The following HEATR5B variants were observed in gnomAD, a reference collection of about 807,000 sequenced individuals.
HEATR5B encodes the protein HEAT repeat containing 5B.
In HEATR5B, 156 loss-of-function variants were observed where a neutral mutation model predicts 224.1. The ratio of observed to expected loss-of-function variants is 0.70; its 90% CI spans 0.61 to 0.80. The LOEUF (loss-of-function observed/expected upper bound fraction) is 0.80. Ranked by LOEUF, HEATR5B falls within the 30% of genes least tolerant of loss-of-function variation. The pLI is 0.00. For synonymous variants in HEATR5B, 1,027 were observed against 893.0 expected (o/e 1.15, Z -2.68); for missense variants, 2,323 against 2,535.5 (o/e 0.92, Z 1.80).
chr2:37,020,676 T>A lies in HEATR5B; in HGVS notation c.4014A>T (p.Ile1338=), dbSNP rs569210624. ...VPEPEFPGHV[I]LEQYQANVGA... Reference sequence around the variant, plus strand: ...TCACATTAGCCTGATACTGCTCCAGTATCACATGACCTGGAAATTCTGGCT... The same window carrying A: ...TCACATTAGCCTGATACTGCTCCAGAATCACATGACCTGGAAATTCTGGCT... Residue 1338 remains isoleucine (I), a synonymous_variant, in exon 25 of 36, where the codon ATA becomes ATT. Transcript: ENST00000233099. The A allele has an allele frequency of 1.9e-6, 3 of 1,582,658 alleles. No individual in the cohort carries two copies. The highest frequency in any genetic ancestry group is 2.7e-5 in the African/African-American group (2 of 72,996).
intron 30 of HEATR5B, among the ~76,000 whole-genome samples, chr2:37,004,955 C>T (rs1371350331): frequency 6.6e-6 from 1 of 152,146 alleles, no homozygotes; most frequent in African/African-American, 2.4e-5. Flanking sequence ...CCTACCTCTA[C>T]GGGCTGACAG....
chr2:37,056,177 G>A (rs1670898264), intron 16 of HEATR5B, among the ~76,000 whole-genome samples: 1 of 150,940 alleles, frequency 6.6e-6, no homozygotes, highest in Non-Finnish European at 1.5e-5. Context: ...TGAAAATTTT[G>A]TTATAAAATA....
chr2:37,074,837 A>G (rs1667571954), intron 5 of HEATR5B, among the ~76,000 whole-genome samples: 1 of 152,232 alleles, frequency 6.6e-6, no homozygotes, highest in Admixed American at 6.5e-5. Flanking sequence ...TAAAGCCACA[A>G]TGAGATACCA....
intron 26 of HEATR5B, among the ~76,000 whole-genome samples, chr2:37,016,443 G>A (rs559169634): frequency 4.0e-5 from 6 of 151,658 alleles, no homozygotes; most frequent in Non-Finnish European, 8.8e-5. Context: ...GAAATCCTTG[G>A]ACCAAGATTT....
chr2:37,059,185 T>C (rs954310046), intron 12 of HEATR5B, among the ~76,000 whole-genome samples, 198 bp from the exon 13 acceptor site: 1 of 151,184 alleles, frequency 6.6e-6, no homozygotes, highest in Non-Finnish European at 1.5e-5. Context: ...AAAAGGTGGA[T>C]AGAAAAATGG....
chr2:37,042,109 G>T (rs1008464026), intron 18 of HEATR5B, among the ~76,000 whole-genome samples: 33 of 151,980 alleles, frequency 2.2e-4, no homozygotes, highest in African/African-American at 7.7e-4. Context: ...TAAAAAATAA[G>T]CTTTATTGAG....
intron 18 of HEATR5B, among the ~76,000 whole-genome samples, chr2:37,049,370 C>A (rs1004244567): frequency 3.9e-5 from 6 of 152,152 alleles, no homozygotes; most frequent in Non-Finnish European, 5.9e-5. Flanking sequence ...AGTGAATACA[C>A]ATAACAGAGA....
intron 12 of HEATR5B, 68 bp from the exon 13 acceptor site, chr2:37,059,055 G>T: frequency 2.1e-6 from 2 of 960,734 alleles, no homozygotes; most frequent in Non-Finnish European, 3.2e-6. Context: ...TTATAAAATT[G>T]TATAAATATA....
At chr2:37,006,077 A>G (rs1289296647) in intron 29 of HEATR5B, among the ~76,000 whole-genome samples, 1 of 152,254 alleles carries the variant, frequency 6.6e-6, no homozygotes, top group African/African-American at 2.4e-5. Context: ...ATTTACAAAC[A>G]TTATAAAATT....
intron 30 of HEATR5B, among the ~76,000 whole-genome samples, chr2:37,004,536 C>T (rs1667291355): frequency 1.3e-5 from 2 of 151,862 alleles, no homozygotes; most frequent in South Asian, 4.2e-4. Context: ...TAGATGCTTC[C>T]ACTTCCTTTA....
intron 17 of HEATR5B, among the ~76,000 whole-genome samples, chr2:37,051,270 C>T (rs1169194468): frequency 2.8e-5 from 4 of 140,974 alleles, no homozygotes; most frequent in Non-Finnish European, 6.0e-5. Context: ...GCAGGAGAAT[C>T]GCTTGAACCT....
At chr2:37,027,495 G>C (rs746158617) in intron 24 of HEATR5B, among the ~76,000 whole-genome samples, 4 of 152,158 alleles carry the variant, frequency 2.6e-5, no homozygotes, top group Non-Finnish European at 4.4e-5. Context: ...TGAAATTTGA[G>C]AGTTTGAAAT....
At chr2:37,056,956 T>C (rs1670950990) in intron 15 of HEATR5B, among the ~76,000 whole-genome samples, 2 of 152,214 alleles carry the variant, frequency 1.3e-5, no homozygotes, top group Admixed American at 1.3e-4. Flanking sequence ...ATGTATTCAG[T>C]GGGCAAAAGT....
chr2:37,058,620 T>G, intron 13 of HEATR5B, 60 bp from the exon 14 acceptor site: 1 of 1,174,030 alleles, frequency 8.5e-7, no homozygotes, highest in Non-Finnish European at 1.3e-6. Flanking sequence ...CTTATAAATT[T>G]TTTTAGCAAT....
chr2:37,065,569 A>G (rs1671539085), intron 9 of HEATR5B, among the ~76,000 whole-genome samples, 186 bp downstream of exon 9: 1 of 152,166 alleles, frequency 6.6e-6, no homozygotes, highest in Middle Eastern at 3.2e-3. Context: ...AGGGCCTCCC[A>G]AAGTGCTAGG....
chr2:37,007,009 A>T, intron 29 of HEATR5B, 41 bp downstream of exon 29: 26 of 1,582,880 alleles, frequency 1.6e-5, no homozygotes, highest in Non-Finnish European at 2.2e-5. Context: ...ATGAATTTTC[A>T]GAAGTGATAA....
intron 17 of HEATR5B, among the ~76,000 whole-genome samples, chr2:37,052,477 A>G (rs970402415): frequency 1.3e-5 from 2 of 152,234 alleles, no homozygotes; most frequent in African/African-American, 4.8e-5. Context: ...CAAAACTAAC[A>G]CAAATTCCTT....
chr2:36,999,108 G>A (rs1666918121), intron 33 of HEATR5B, among the ~76,000 whole-genome samples: 1 of 151,980 alleles, frequency 6.6e-6, no homozygotes, highest in Admixed American at 6.6e-5. Context: ...AGCTACTCAG[G>A]AGGCTGAGGC....
At chr2:37,027,812 A>G in intron 24 of HEATR5B, 111 bp downstream of exon 24, 1 of 1,061,644 alleles carries the variant, frequency 9.4e-7, no homozygotes, top group Non-Finnish European at 1.4e-6. Context: ...ACAATAAATA[A>G]ATGGCATATT....
Sources: allele counts gnomAD v4.1 joint callset (sites outside exome capture counted in the v4.1 genomes callset), GRCh38; gene constraint gnomAD v4.1.1; transcripts MANE v1.5; gene names NCBI Gene and HGNC (gene_info 2026-07-23, HGNC 2026-07-21).